Variants in RNF157 observed in about 807,000 individuals in gnomAD.
RNF157 encodes the protein E3 ubiquitin ligase RNF157.
Under a neutral mutation model 88.3 loss-of-function variants are expected in RNF157, and 55 were observed. The observed-to-expected ratio is 0.62, with a 90% CI of 0.50 to 0.78. The LOEUF (loss-of-function observed/expected upper bound fraction) is 0.78, where lower values mean the gene tolerates loss of function less well. Among genes scored for constraint, RNF157 ranks in the 30% least tolerant of loss-of-function variants. The pLI is 0.00. For synonymous variants in RNF157, 334 were observed against 341.2 expected (o/e 0.98, Z 0.23); for missense variants, 788 against 860.8 (o/e 0.92, Z 1.06).
chr17:76,146,297 C>T lies in RNF157; in HGVS notation c.1922-944G>A, dbSNP rs991513461. On this transcript the variant is annotated intron_variant, in intron 18 of 18. Coordinates refer to ENST00000269391, the MANE Select transcript of RNF157 (RefSeq NM_052916.3). The surrounding 1 kb of genome is among the most constrained non-coding windows in gnomAD (Gnocchi z 4.2). Reference sequence around the variant, plus strand: ...AGATGGGACATGCGTACTGACCTCACGGGCTTGCTGTGAGGACTAGATGAG... The same window carrying T: ...AGATGGGACATGCGTACTGACCTCATGGGCTTGCTGTGAGGACTAGATGAG... The T allele has an allele frequency of 5.1e-6, 5 of 972,828 alleles. No homozygotes were observed. Among genetic ancestry groups the T allele is most frequent in the Middle Eastern group, 5.2e-4 (1 of 1,914 alleles). 60.3% of individuals were successfully genotyped at this position (972,828 alleles called of 1,614,324 possible).
At chr17:76,216,890 CA>C (rs202026911) in intron 1 of RNF157, among the ~76,000 whole-genome samples, 2 of 144,836 alleles carry the variant, frequency 1.4e-5, no homozygotes, top group African/African-American at 2.6e-5. Context: ...GACCCTGTGT[CA>C]AAAAAAAACA....
At chr17:76,201,989 G>A (rs909458940) in intron 2 of RNF157, among the ~76,000 whole-genome samples, 3 of 151,666 alleles carry the variant, frequency 2.0e-5, no homozygotes, top group East Asian at 1.9e-4. Context: ...CAAAGGGTAC[G>A]CACAGCTCAA....
chr17:76,173,738 A>G lies in RNF157; in HGVS notation c.260T>C (p.Leu87Pro). ...PQEPVKTLRS[L>P]VNIRKDTLRL... ...CAGTGTGTCCTTTCGGATATTGACC[A>G]GGCTTCTCAGAGTCTTCACGGGTTC... Residue 87 changes from leucine (L) to proline (P), a missense_variant, in exon 3 of 19, where the codon CTG becomes CCG. Leu to Pro is a moderately conservative substitution (Grantham distance 98, BLOSUM62 -3). Transcript: ENST00000269391. 6.2e-7 allele frequency: 1 copy of G among 1,610,962 alleles called. No homozygotes were observed. The highest frequency in any genetic ancestry group is 8.5e-7 in the Non-Finnish European group (1 of 1,178,342).
At chr17:76,171,084 G>A (rs906726709) in intron 3 of RNF157, among the ~76,000 whole-genome samples, 7 of 152,012 alleles carry the variant, frequency 4.6e-5, no homozygotes, top group Admixed American at 6.6e-5. Context: ...AGTGGAGACG[G>A]GGTTTCACTG....
chr17:76,208,972 T>C (rs1306335666), intron 2 of RNF157, among the ~76,000 whole-genome samples: 2 of 135,798 alleles, frequency 1.5e-5, no homozygotes, highest in African/African-American at 6.7e-5. Context: ...AGACTCTGCC[T>C]CAAAAAAAAA....
chr17:76,152,473 G>C lies in RNF157; in HGVS notation c.1811-8C>G, dbSNP rs769565682. ...ATGCGCACGTCCTCTGGCCTGTAAC[G>C]GAGTTAATGCAGTTAGAGAGGGGCT... On this transcript the variant is annotated splice_region_variant and splice_polypyrimidine_tract_variant and intron_variant, in intron 17 of 18. Transcript: ENST00000269391. 6.3e-7 allele frequency: 1 copy of C among 1,575,488 alleles called. No individual in the cohort carries two copies. The highest frequency in any genetic ancestry group is 8.7e-7 in the Non-Finnish European group (1 of 1,144,870).
intron 13 of RNF157, chr17:76,156,638 T>C: frequency 7.5e-6 from 4 of 531,544 alleles, no homozygotes; most frequent in Non-Finnish European, 9.6e-6. Flanking sequence ...ACACCCCAGG[T>C]TTCCCCAGGA....
rs1479408510 is a variant in RNF157, at chr17:76,155,319, T to C, written c.1699-2A>G. The C allele has an allele frequency of 1.2e-6, 2 of 1,614,086 alleles. No homozygotes were observed. The highest frequency in any genetic ancestry group is 1.1e-5 in the South Asian group (1 of 91,090). Reference sequence around the variant, plus strand: ...GTCTGGAGACTCCGCTGGCAGCCCCTGCAGAAGAGCACAGTTTTTACAGGC... The same window carrying C: ...GTCTGGAGACTCCGCTGGCAGCCCCCGCAGAAGAGCACAGTTTTTACAGGC... On this transcript the variant is annotated splice_acceptor_variant, in intron 15 of 18. Transcript: ENST00000269391. LOFTEE classifies it high-confidence loss of function.
At chr17:76,167,215 A>G in intron 4 of RNF157, 89 bp from the exon 5 acceptor site, 2 of 916,426 alleles carry the variant, frequency 2.2e-6, no homozygotes, top group South Asian at 1.4e-5. Flanking sequence ...GTTCTCAATT[A>G]TCAACAGGGT....
Position 76,226,645 on chromosome 17 carries a change from A to G in RNF157, c.88+13508T>C. 3 of 1,612,772 alleles carry G rather than the reference A, an allele frequency of 1.9e-6. No individual in the cohort carries two copies. In the Admixed American group the frequency reaches 5.0e-5, roughly 27 times the overall value. Reference sequence around the variant, plus strand: ...TCAGCCATTCGGAGGAGCCCGCCTTAGCCTTGTCGCTGGAGAACCCATGAG... The same window carrying G: ...TCAGCCATTCGGAGGAGCCCGCCTTGGCCTTGTCGCTGGAGAACCCATGAG... On this transcript the variant is annotated intron_variant, in intron 1 of 18. Coordinates refer to ENST00000269391, the MANE Select transcript of RNF157 (RefSeq NM_052916.3).
Position 76,146,475 on chromosome 17 carries a change from C to G in RNF157, c.1922-1122G>C. The G allele has an allele frequency of 1.0e-6, 1 of 985,748 alleles. No individual in the cohort carries two copies. The highest frequency in any genetic ancestry group is 1.2e-6 in the Non-Finnish European group (1 of 830,172). The allele number at this position is 985,748 out of a possible 1,614,324, so 61.1% of individuals were successfully genotyped here. On this transcript the variant is annotated intron_variant, in intron 18 of 18. Transcript: ENST00000269391. This position sits in a 1 kb window ranked among gnomAD's most constrained non-coding sequence, Gnocchi z 4.2. ...CCCTCCCTCCAGTGAGGCTAGGGCG[C>G]TCCTGCCTTGGGCCTCGGCTGCCTC...
chr17:76,172,238 C>T (rs1427313660), intron 3 of RNF157, among the ~76,000 whole-genome samples: 3 of 152,044 alleles, frequency 2.0e-5, no homozygotes, highest in Non-Finnish European at 4.4e-5. Flanking sequence ...TGCTTGAGCC[C>T]GGGAAGTTAA....
At chr17:76,192,849 T>TC (rs947374975) in intron 2 of RNF157, among the ~76,000 whole-genome samples, 9 of 151,452 alleles carry the variant, frequency 5.9e-5, no homozygotes, top group African/African-American at 2.2e-4. Flanking sequence ...TCCTTTTTTT[T>TC]TTTTTTTTTT....
At chr17:76,168,372 T>G (rs926411580) in intron 3 of RNF157, among the ~76,000 whole-genome samples, 1 of 152,168 alleles carries the variant, frequency 6.6e-6, no homozygotes, top group African/African-American at 2.4e-5. Context: ...TTACACAAAC[T>G]TATAATCTAT....
Position 76,146,552 on chromosome 17 carries a change from G to A in RNF157, c.1922-1199C>T, listed in dbSNP as rs539578938. The A allele has an allele frequency of 7.1e-5, 70 of 985,416 alleles. No homozygotes were observed. The highest frequency in any genetic ancestry group is 1.4e-4 in the African/African-American group (8 of 57,354). The allele number at this position is 985,416 out of a possible 1,614,324, so 61.0% of individuals were successfully genotyped here. A position where few individuals can be genotyped will look rare whatever the true frequency, so the allele number is the denominator to read the frequency against. ...GGGTAGGGAAGGCATGTCGTCCTCC[G>A]GACCCTGTGGGCCTCCCCAGCCGTG... On this transcript the variant is annotated intron_variant, in intron 18 of 18. Transcript: ENST00000269391. This position sits in a 1 kb window ranked among gnomAD's most constrained non-coding sequence, Gnocchi z 4.2.
At chr17:76,225,076 G>A (rs2070056292) in intron 1 of RNF157, among the ~76,000 whole-genome samples, 4 of 152,170 alleles carry the variant, frequency 2.6e-5, no homozygotes, top group Admixed American at 2.6e-4. Context: ...GGAGGCTGAG[G>A]CAGAAGAATC....
rs117910608 is a variant in RNF157, at chr17:76,173,851, G to A, written c.208-61C>T. The A allele has an allele frequency of 1.5e-4, 213 of 1,401,494 alleles. 1 individual carries two copies. In the East Asian group the frequency reaches 4.1e-3, roughly 27 times the overall value. The allele number at this position is 1,401,494 out of a possible 1,614,324, so 86.8% of individuals were successfully genotyped here. A position where few individuals can be genotyped will look rare whatever the true frequency, so the allele number is the denominator to read the frequency against. On this transcript the variant is annotated intron_variant, in intron 2 of 18. Transcript: ENST00000269391. ...TTAAAAAGACCCACAGCTGTCCCTC[G>A]CTTTACAGTTTGCCAAGAATAGCCC...
intron 1 of RNF157, among the ~76,000 whole-genome samples, chr17:76,223,167 G>A (rs2070017250): frequency 6.6e-6 from 1 of 151,614 alleles, no homozygotes; most frequent in African/African-American, 2.4e-5. Context: ...TGGGATTACA[G>A]GGGTGAGCCA....
At chr17:76,171,128 G>A (rs1417302245) in intron 3 of RNF157, among the ~76,000 whole-genome samples, 3 of 151,798 alleles carry the variant, frequency 2.0e-5, no homozygotes, top group Admixed American at 6.6e-5. Flanking sequence ...TCCTGACCTC[G>A]TGATCCGCCC....
Sources: gnomAD v4.1 joint callset for allele counts (sites outside exome capture counted in the v4.1 genomes callset) on GRCh38, gnomAD v4.1.1 for gene constraint, Gnocchi (gnomAD v3.1) non-coding constraint, MANE v1.5 for transcripts, NCBI Gene and HGNC (gene_info 2026-07-23, HGNC 2026-07-21) for gene names.